The following CPNE3 variants were observed in gnomAD, a reference collection of about 807,000 sequenced individuals.
The protein encoded by CPNE3 is copine-3.
CPNE3 carries 68 observed loss-of-function variants against 63.9 expected under a neutral mutation model. The ratio of observed to expected loss-of-function variants is 1.06; its 90% CI spans 0.87 to 1.30. The LOEUF (loss-of-function observed/expected upper bound fraction) is 1.30, where lower values mean the gene tolerates loss of function less well. Ranked by LOEUF, CPNE3 falls within the 50% of genes most tolerant of loss-of-function variation. The probability of loss-of-function intolerance (pLI) is 0.00; values close to 1 mark genes in which losing one functional copy is unlikely to be tolerated. For synonymous variants in CPNE3, 219 were observed against 197.5 expected, an observed-to-expected ratio of 1.11 and a Z score of -0.91; for missense variants, 665 against 578.1, an observed-to-expected ratio of 1.15 and a Z score of -1.54.
intron 10 of CPNE3, 48 bp downstream of exon 10, chr8:86,546,729 T>G: frequency 6.4e-7 from 1 of 1,561,978 alleles, no homozygotes; most frequent in Non-Finnish European, 8.6e-7. Flanking sequence ...TTATTCTTTT[T>G]GAGCTGGAGC....
chr8:86,557,743 AACACACACACATACAC>A (rs1034337087), intron 16 of CPNE3, among the ~76,000 whole-genome samples: 1 of 151,990 alleles, frequency 6.6e-6, no homozygotes, highest in African/African-American at 2.4e-5. Context: ...TACAGAAACA[AACACACACACATACAC>A]ACACACACAC....
At chr8:86,555,127 T>C (rs1160970423) in intron 15 of CPNE3, 143 bp downstream of exon 15, 1 of 1,214,268 alleles carries the variant, frequency 8.2e-7, no homozygotes, top group Non-Finnish European at 1.1e-6. Context: ...GGAGTAACTT[T>C]TGTTGTTGTT....
chr8:86,542,201 T>G (rs1820955931), intron 8 of CPNE3, among the ~76,000 whole-genome samples: 5 of 152,230 alleles, frequency 3.3e-5, no homozygotes, highest in Admixed American at 3.3e-4. Context: ...CATTTAGTTC[T>G]GCATTTCTTT....
intron 14 of CPNE3, chr8:86,554,001 T>C (rs1821255043): frequency 6.6e-6 from 1 of 152,220 alleles, no homozygotes; most frequent in African/African-American, 2.4e-5. Flanking sequence ...AACAGTTTAT[T>C]TCTTGCTCAT....
At chr8:86,536,589 T>A (rs1820808645) in intron 6 of CPNE3, among the ~76,000 whole-genome samples, 1 of 152,146 alleles carries the variant, frequency 6.6e-6, no homozygotes, top group African/African-American at 2.4e-5. Flanking sequence ...GAAATAATTT[T>A]ATTTTAGTTC....
At position 86,528,647 on chromosome 8, in the gene CPNE3, T is replaced by A. The variant is rs746249083; in HGVS notation, c.102T>A (p.Phe34Leu). ...GSKSDPLCVL[F>L]LNTSGQQWYE... ...AGTCAGACCCTTTATGTGTGTTGTT[T>A]TTGAATACAAGTGGTCAACAGTGGT... The change falls in exon 3 of 17, where the codon TTT becomes TTA. Residue 34 changes from phenylalanine (F) to leucine (L), a missense_variant. Coordinates refer to ENST00000517490, the MANE Select transcript of CPNE3 (RefSeq NM_003909.5). 1.4e-5 allele frequency: 23 copies of A among 1,613,494 alleles called. No individual in the cohort carries two copies. The Admixed American group carries it at 1.8e-4, about 13-fold the overall frequency.
intron 9 of CPNE3, 73 bp downstream of exon 9, chr8:86,544,911 C>T (rs897574179): frequency 1.2e-6 from 1 of 837,624 alleles, no homozygotes; most frequent in Non-Finnish European, 1.8e-6. Flanking sequence ...TCATTTTTTT[C>T]CCATAGCATC....
At chr8:86,530,143 GT>G (rs1387816048) in intron 4 of CPNE3, among the ~76,000 whole-genome samples, 1 of 150,054 alleles carries the variant, frequency 6.7e-6, no homozygotes, top group African/African-American at 2.5e-5. Flanking sequence ...AAATATTGAA[GT>G]TGTGTCTCAG....
intron 8 of CPNE3, among the ~76,000 whole-genome samples, chr8:86,541,697 CCG>C (rs1820944864): frequency 7.1e-6 from 1 of 141,624 alleles, no homozygotes; most frequent in African/African-American, 2.6e-5. Context: ...TGGAGTGAGA[CCG>C]TGTCTTAAAA....
intron 14 of CPNE3, 27 bp from the exon 15 acceptor site, chr8:86,554,823 CT>C (rs150615252): frequency 5.7e-5 from 92 of 1,607,222 alleles, no homozygotes; most frequent in East Asian, 4.2e-4. Flanking sequence ...ATTTTTAGTA[CT>C]GTTTTTTATT....
Position 86,557,258 on chromosome 8 carries a change from C to T in CPNE3, c.1491+920C>T, listed in dbSNP as rs140401749. ...AAGTGATTCTCATGCCTCAGCCTCCCGAATAGCTGGGATTACAGGTGTGCA... is the reference window on the plus strand; with the variant it reads ...AAGTGATTCTCATGCCTCAGCCTCCTGAATAGCTGGGATTACAGGTGTGCA... On this transcript the variant is annotated intron_variant, in intron 16 of 16. Coordinates refer to ENST00000517490, the MANE Select transcript of CPNE3 (RefSeq NM_003909.5). 9.9e-5 allele frequency among the ~76,000 whole-genome samples: 15 copies of T among 152,180 alleles called. 1 individual carries two copies. The highest frequency in any genetic ancestry group is 3.4e-4 in the African/African-American group (14 of 41,520).
chr8:86,520,015 G>A (rs1214831075), intron 2 of CPNE3, among the ~76,000 whole-genome samples: 1 of 152,046 alleles, frequency 6.6e-6, no homozygotes, highest in Non-Finnish European at 1.5e-5. Flanking sequence ...CCTGGCCCCA[G>A]ATATAGCTTT....
chr8:86,530,085 C>G (rs544041153), intron 4 of CPNE3, among the ~76,000 whole-genome samples: 1 of 151,766 alleles, frequency 6.6e-6, no homozygotes, highest in East Asian at 1.9e-4. Flanking sequence ...TTTGAAAGAA[C>G]CTAAGTATAC....
intron 7 of CPNE3, 146 bp from the exon 8 acceptor site, chr8:86,540,099 A>G (rs1186627876): frequency 3.3e-6 from 2 of 607,192 alleles, no homozygotes; most frequent in Non-Finnish European, 6.0e-6. Context: ...ATATTGTTCT[A>G]GGTAGTTTTT....
At chr8:86,531,112 G>C in intron 4 of CPNE3, 43 bp from the exon 5 acceptor site, 3 of 864,904 alleles carry the variant, frequency 3.5e-6, no homozygotes, top group Non-Finnish European at 6.0e-6. Context: ...AAAATTCTTA[G>C]GTTGAAGGGA....
chr8:86,515,480 T>C lies in CPNE3; in HGVS notation c.-30T>C, dbSNP rs1820276732. On this transcript the variant is annotated 5_prime_UTR_variant, in exon 2 of 17. Transcript: ENST00000517490. ...TCTCCAGGAAACTCAGGTTGAATAA[T>C]TCATCAAATTACACAACTGGTAAGT... The C allele has an allele frequency of 6.6e-6, 1 of 152,214 alleles. No homozygotes were observed. Among genetic ancestry groups the C allele is most frequent in the Non-Finnish European group, 1.5e-5 (1 of 68,026 alleles). The allele number at this position is 152,214 out of a possible 1,614,324, so 9.4% of individuals were successfully genotyped here.
chr8:86,547,591 T>C, intron 10 of CPNE3, 120 bp from the exon 11 acceptor site: 1 of 642,388 alleles, frequency 1.6e-6, no homozygotes, highest in South Asian at 1.9e-5. Flanking sequence ...GCAGGGGTAA[T>C]TTCCATGTTT....
chr8:86,548,394 G>T lies in CPNE3; in HGVS notation c.973G>T (p.Ala325Ser), dbSNP rs775724047. ...CAATGGCGTTAATGAGTATTTGACT[G>T]CTCTCTGGTCTGTGGGACTGGTCAT... Reference protein sequence around the residue: ...SPNGVNEYLTALWSVGLVIQD... With the variant: ...SPNGVNEYLTSLWSVGLVIQD... Residue 325 changes from alanine (A) to serine (S), a missense_variant, in exon 12 of 17, where the codon GCT (alanine) becomes TCT (serine). Coordinates refer to ENST00000517490, the MANE Select transcript of CPNE3 (RefSeq NM_003909.5). 3 of 1,614,104 alleles carry T rather than the reference G, an allele frequency of 1.9e-6. No homozygotes were observed. The highest frequency in any genetic ancestry group is 1.7e-5 in the Admixed American group (1 of 60,020).
chr8:86,558,452 ATC>A lies in CPNE3; in HGVS notation c.*47_*48del. 3 of 871,624 alleles carry A rather than the reference ATC, an allele frequency of 3.4e-6. No individual in the cohort carries two copies. The highest frequency in any genetic ancestry group is 2.6e-5 in the South Asian group (2 of 76,510). 54.0% of individuals were successfully genotyped at this position (871,624 alleles called of 1,614,324 possible). A position where few individuals can be genotyped will look rare whatever the true frequency, so the allele number is the denominator to read the frequency against. On this transcript the variant is annotated 3_prime_UTR_variant, in exon 17 of 17. Coordinates refer to ENST00000517490, the MANE Select transcript of CPNE3 (RefSeq NM_003909.5). ...CTTTTGTGTTATGTGGAGCAATGCC[ATC>A]TCTCACCCCAAATCGTGTATCTGTC...
Sources: gnomAD v4.1 joint callset for allele counts (sites outside exome capture counted in the v4.1 genomes callset) on GRCh38, gnomAD v4.1.1 for gene constraint, MANE v1.5 for transcripts, NCBI Gene and HGNC (gene_info 2026-07-23, HGNC 2026-07-21) for gene names.